Variants in BRDT observed in about 807,000 individuals in gnomAD.
BRDT encodes the protein bromodomain testis-specific protein.
In BRDT, 77 loss-of-function variants were observed where a neutral mutation model predicts 113.9. The ratio of observed to expected loss-of-function variants is 0.68; its 90% CI spans 0.56 to 0.82. The LOEUF is 0.82. Among genes scored for constraint, BRDT ranks in the 40% least tolerant of loss-of-function variants. BRDT has a pLI of 0.00. For synonymous variants in BRDT, 358 were observed against 366.5 expected (o/e 0.98, Z 0.26); for missense variants, 1,027 against 1,105.4 (o/e 0.93, Z 1.01).
intron 15 of BRDT, among the ~76,000 whole-genome samples, chr1:91,998,878 A>G (rs1193703362): frequency 6.6e-6 from 1 of 152,228 alleles, no homozygotes; most frequent in African/African-American, 2.4e-5. Context: ...GTGATTAAAG[A>G]TTTGGTTGGA....
chr1:91,967,802 G>A (rs1008279746), intron 3 of BRDT, among the ~76,000 whole-genome samples: 13 of 152,258 alleles, frequency 8.5e-5, no homozygotes, highest in African/African-American at 3.1e-4. Flanking sequence ...AAAAGTGCTG[G>A]GATTACAGGC....
rs57330647 is a variant in BRDT, at chr1:91,985,638, CT to C, written c.2002+3902del. On this transcript the variant is annotated intron_variant, in intron 12 of 18. Coordinates refer to ENST00000399546, the MANE Select transcript of BRDT (RefSeq NM_207189.4). ...AGAGACAGAGCTTTAATTAGTTTTG[CT>C]TTTTTTTTTTTTTTTTTTGAGACGG... is the stretch of plus-strand genomic sequence containing the variant. Among the ~76,000 whole-genome samples, 81 of 108,588 alleles carry C rather than the reference CT, an allele frequency of 7.5e-4. No individual in the cohort carries two copies. In the East Asian group the frequency reaches 0.013, roughly 17 times the overall value. The allele number at this position is 108,588 out of a possible 152,430, so 71.2% of individuals were successfully genotyped here. A position where few individuals can be genotyped will look rare whatever the true frequency, so the allele number is the denominator to read the frequency against.
At chr1:91,981,209 G>C (rs763855589) in intron 10 of BRDT, 31 bp downstream of exon 10, 1 of 1,607,818 alleles carries the variant, frequency 6.2e-7, no homozygotes, top group South Asian at 1.1e-5. Flanking sequence ...ATAGAAATCG[G>C]TTTGGTATTT....
intron 1 of BRDT, among the ~76,000 whole-genome samples, chr1:91,961,269 C>T (rs990114298): frequency 1.3e-5 from 2 of 152,126 alleles, no homozygotes; most frequent in African/African-American, 4.8e-5. Context: ...GGAAATTGTG[C>T]CACTGCACTC....
chr1:91,966,459 T>C (rs1466946779), intron 3 of BRDT, among the ~76,000 whole-genome samples: 1 of 152,168 alleles, frequency 6.6e-6, no homozygotes, highest in Non-Finnish European at 1.5e-5. Context: ...CTTGATCTCC[T>C]GGGCTCAAGT....
chr1:91,961,915 T>C lies in BRDT; in HGVS notation c.-37-803T>C, dbSNP rs570002619. On this transcript the variant is annotated intron_variant, in intron 1 of 18. Transcript: ENST00000399546. ...GCTCACGCTTGTAATCCCAGCACTT[T>C]GGGAGGCCGAGGCGGGCGGATCACG... Among the ~76,000 whole-genome samples the C allele has an allele frequency of 2.0e-5, 3 of 152,024 alleles. No individual in the cohort carries two copies. In the South Asian group the frequency reaches 6.2e-4, roughly 32 times the overall value.
intron 4 of BRDT, among the ~76,000 whole-genome samples, chr1:91,970,482 A>G (rs1487252227): frequency 6.6e-6 from 1 of 151,816 alleles, no homozygotes; most frequent in African/African-American, 2.4e-5. Flanking sequence ...GCCCAGGCTC[A>G]TCTTGAACTC....
At chr1:92,014,036 A>G (rs1044621497) in intron 18 of BRDT, among the ~76,000 whole-genome samples, 170 bp from the exon 19 acceptor site, 8 of 152,198 alleles carry the variant, frequency 5.3e-5, no homozygotes, top group African/African-American at 1.9e-4. Context: ...TTGAACAGAA[A>G]TAATTATGTA....
chr1:91,963,093 G>C (rs968714157), intron 2 of BRDT, 147 bp downstream of exon 2: 1 of 540,364 alleles, frequency 1.9e-6, no homozygotes. Flanking sequence ...GGAGGCCGAG[G>C]TGGGGAGATC....
intron 1 of BRDT, among the ~76,000 whole-genome samples, chr1:91,953,046 C>T (rs1681297004): frequency 6.6e-6 from 1 of 152,052 alleles, no homozygotes; most frequent in Admixed American, 6.6e-5. Flanking sequence ...TGGTGTGCTG[C>T]ACCCATTAAC....
Position 91,981,304 on chromosome 1 carries a change from C to T in BRDT, c.1787C>T (p.Ser596Leu), listed in dbSNP as rs1684703452. ...ATGATGTCCAAAGAAGAACTTCACT[C>T]ACAGAAAAAACAGGAATTGGAAAAG... ...KIMMSKEELH[S>L]QKKQELEKRL... The change falls in exon 11 of 19, where the codon TCA (serine) becomes TTA (leucine). Residue 596 changes from serine to leucine, a missense_variant. Physicochemically the swap from Ser to Leu is moderately radical, Grantham distance 145 (BLOSUM62 -2). Transcript: ENST00000399546. 3 of 1,614,060 alleles carry T rather than the reference C, an allele frequency of 1.9e-6. No homozygotes were observed. The highest frequency in any genetic ancestry group is 1.7e-5 in the Admixed American group (1 of 59,994).
At chr1:91,991,587 T>C (rs1685756487) in intron 13 of BRDT, among the ~76,000 whole-genome samples, 1 of 152,216 alleles carries the variant, frequency 6.6e-6, no homozygotes, top group African/African-American at 2.4e-5. Context: ...AAGTGAAATT[T>C]CTCAAAAGAT....
At chr1:92,006,398 T>C (rs185898943) in intron 18 of BRDT, among the ~76,000 whole-genome samples, 1 of 152,150 alleles carries the variant, frequency 6.6e-6, no homozygotes, top group Non-Finnish European at 1.5e-5. Flanking sequence ...GTTTTTTTTT[T>C]AATTATTTAA....
At chr1:92,011,654 A>G (rs1687808213) in intron 18 of BRDT, among the ~76,000 whole-genome samples, 1 of 152,170 alleles carries the variant, frequency 6.6e-6, no homozygotes, top group African/African-American at 2.4e-5. Flanking sequence ...CAACAACACA[A>G]CTAGGTAACC....
At chr1:91,994,873 A>G (rs1208040714) in intron 15 of BRDT, among the ~76,000 whole-genome samples, 2 of 148,398 alleles carry the variant, frequency 1.3e-5, no homozygotes, top group East Asian at 3.9e-4. Context: ...GTCTCAAAAA[A>G]AAAAAAAAAA....
At position 91,981,670 on chromosome 1, in the gene BRDT, G is replaced by GAGCAGC. The variant is rs755872797; in HGVS notation, c.1933_1938dup (p.Ser647_Ser648dup). ...TTGAAAATGTTTCCCGACTGAGTGA[G>GAGCAGC]AGCAGCAGCAGCAGCAGCAGCTCAT... is the stretch of plus-strand genomic sequence containing the variant. On this transcript the variant is annotated inframe_insertion, in exon 12 of 19. Transcript: ENST00000399546. 7.4e-6 allele frequency: 12 copies of GAGCAGC among 1,613,650 alleles called. No homozygotes were observed. The highest frequency in any genetic ancestry group is 3.3e-5 in the South Asian group (3 of 91,048).
intron 6 of BRDT, 183 bp downstream of exon 6, chr1:91,977,576 G>C: frequency 3.8e-6 from 2 of 523,030 alleles, no homozygotes; most frequent in Non-Finnish European, 6.4e-6. Flanking sequence ...ACTTGAACAT[G>C]TCCATGGTTC....
chr1:92,004,545 T>G lies in BRDT; in HGVS notation c.2520T>G (p.Ala840=). 1 of 1,613,340 alleles carries G rather than the reference T, an allele frequency of 6.2e-7. No homozygotes were observed. Among genetic ancestry groups the G allele is most frequent in the East Asian group, 2.2e-5 (1 of 44,774 alleles). ...RKAAIEKEVK[A]RTQELIRKHL... ...CAGCCATAGAAAAGGAAGTAAAAGC[T>G]CGGACACAGGAACTCATACGGAAGC... The change falls in exon 17 of 19, where the codon GCT becomes GCG. Residue 840 remains alanine, a synonymous_variant. Coordinates refer to ENST00000399546, the MANE Select transcript of BRDT (RefSeq NM_207189.4).
At chr1:91,985,259 A>G (rs894259069) in intron 12 of BRDT, among the ~76,000 whole-genome samples, 1 of 151,068 alleles carries the variant, frequency 6.6e-6, no homozygotes, top group Admixed American at 6.6e-5. Flanking sequence ...ACGGGGTTTC[A>G]CCGTGTTAGC....
Sources: allele counts gnomAD v4.1 joint callset (sites outside exome capture counted in the v4.1 genomes callset), GRCh38; gene constraint gnomAD v4.1.1; transcripts MANE v1.5; gene names NCBI Gene and HGNC (gene_info 2026-07-23, HGNC 2026-07-21).